The following UBE3B variants were observed in gnomAD, a reference collection of about 807,000 sequenced individuals.
The protein encoded by UBE3B is ubiquitin-protein ligase E3B.
UBE3B carries 80 observed loss-of-function variants against 132.3 expected under a neutral mutation model. That is an observed-to-expected ratio of 0.60 (90% CI 0.50 to 0.73). The LOEUF (loss-of-function observed/expected upper bound fraction) is 0.73, where lower values mean the gene tolerates loss of function less well. Among genes scored for constraint, UBE3B ranks in the 30% least tolerant of loss-of-function variants. The probability of loss-of-function intolerance (pLI) is 0.00; values close to 1 mark genes in which losing one functional copy is unlikely to be tolerated. For missense variants in UBE3B, 1,196 were observed against 1,362.5 expected, an observed-to-expected ratio of 0.88 and a Z score of 1.92; for synonymous variants, 487 against 520.4, an observed-to-expected ratio of 0.94 and a Z score of 0.87.
intron 27 of UBE3B, chr12:109,533,939 C>T: frequency 7.6e-7 from 1 of 1,314,530 alleles, no homozygotes; most frequent in South Asian, 1.2e-5. Flanking sequence ...GCTACTCCTA[C>T]CCCAGCAGGC....
chr12:109,512,085 G>A (rs1659923584), intron 18 of UBE3B, among the ~76,000 whole-genome samples: 1 of 152,164 alleles, frequency 6.6e-6, no homozygotes, highest in Admixed American at 6.5e-5. Context: ...GAGCAGGTAG[G>A]ATGTGAGATG....
At chr12:109,514,834 C>T (rs1880806486) in intron 18 of UBE3B, among the ~76,000 whole-genome samples, 1 of 152,054 alleles carries the variant, frequency 6.6e-6, no homozygotes, top group Admixed American at 6.6e-5. Flanking sequence ...AGTCCTGTCA[C>T]GTCTAGATCT....
intron 8 of UBE3B, 183 bp from the exon 9 acceptor site, chr12:109,490,862 G>T (rs781363141): frequency 7.2e-6 from 8 of 1,115,490 alleles, no homozygotes; most frequent in South Asian, 1.9e-5. Flanking sequence ...CTGTCACCCA[G>T]GCTGGCCTCA....
intron 16 of UBE3B, 113 bp from the exon 17 acceptor site, chr12:109,510,231 T>TCAGAGCGAGGGAGATC: frequency 1.2e-6 from 1 of 835,976 alleles, no homozygotes; most frequent in South Asian, 1.7e-5. Flanking sequence ...CACATATAAT[T>TCAGAGCGAGGGAGATC]CAGAGCGAGG....
chr12:109,483,938 C>T lies in UBE3B; in HGVS notation c.239C>T (p.Ala80Val). 6.2e-7 allele frequency: 1 copy of T among 1,613,962 alleles called. No individual in the cohort carries two copies. Among genetic ancestry groups the T allele is most frequent in the Non-Finnish European group, 8.5e-7 (1 of 1,179,940 alleles). The change falls in exon 4 of 28, where the codon GCC becomes GTC. Residue 80 changes from alanine (A) to valine (V), a missense_variant. Transcript: ENST00000342494. ...AGTGCACTTTGTATTTTCAAGATTGCCAGGAAACTGCTGTTCCTATTCAGA... is the reference window on the plus strand; with the variant it reads ...AGTGCACTTTGTATTTTCAAGATTGTCAGGAAACTGCTGTTCCTATTCAGA... ...KRSALCIFKI[A>V]RKLLFLFRIK...
the UBE3B span, among the ~76,000 whole-genome samples, chr12:109,543,455 T>G: frequency 1.3e-5 from 2 of 151,708 alleles, no homozygotes; most frequent in Non-Finnish European, 2.9e-5. Flanking sequence ...GTGTCTAGAG[T>G]GAAGGAGGTA....
At chr12:109,501,871 C>A (rs1353288825) in intron 13 of UBE3B, among the ~76,000 whole-genome samples, 1 of 151,624 alleles carries the variant, frequency 6.6e-6, no homozygotes, top group Non-Finnish European at 1.5e-5. Flanking sequence ...ACCTTATTGC[C>A]CAGGTTTGTT....
chr12:109,515,227 T>A (rs1250902046), intron 18 of UBE3B, among the ~76,000 whole-genome samples: 2 of 152,106 alleles, frequency 1.3e-5, no homozygotes, highest in African/African-American at 4.8e-5. Context: ...CCCTTTCTTC[T>A]TAAGGGGCTG....
intron 9 of UBE3B, among the ~76,000 whole-genome samples, chr12:109,497,214 CA>C (rs1282884362): frequency 1.1e-4 from 16 of 152,000 alleles, no homozygotes; most frequent in Admixed American, 7.2e-4. Context: ...ACCAGAGATA[CA>C]TTGTTAACTT....
downstream of UBE3B, among the ~76,000 whole-genome samples, chr12:109,540,460 C>T (rs2136174318): frequency 6.6e-6 from 1 of 152,344 alleles, no homozygotes; most frequent in African/African-American, 2.4e-5. Context: ...ATCCACCTGC[C>T]TTGGTCTCCC....
At chr12:109,502,896 A>G in intron 13 of UBE3B, 127 bp from the exon 14 acceptor site, 2 of 1,118,204 alleles carry the variant, frequency 1.8e-6, no homozygotes, top group East Asian at 4.7e-5. Flanking sequence ...CCTTGAATTG[A>G]GTGAGTTGCC....
At chr12:109,488,826 A>G (rs1566076941) in intron 7 of UBE3B, among the ~76,000 whole-genome samples, 158 bp downstream of exon 7, 2 of 152,360 alleles carry the variant, frequency 1.3e-5, no homozygotes, top group East Asian at 1.9e-4. Flanking sequence ...ATCAGACTGC[A>G]TCGCAGTATC....
Position 109,497,769 on chromosome 12 carries a change from T to C in UBE3B, c.714-49T>C, listed in dbSNP as rs748358729. 20 of 1,582,848 alleles carry C rather than the reference T, an allele frequency of 1.3e-5. 1 individual carries two copies. Among genetic ancestry groups the C allele is most frequent in the South Asian group, 6.7e-5 (6 of 90,192 alleles). ...CGTTGGTGGGGTTGTGCTTTTGTTCTGGATGCACACGGAGACCTGTCTGAA... is the reference window on the plus strand; with the variant it reads ...CGTTGGTGGGGTTGTGCTTTTGTTCCGGATGCACACGGAGACCTGTCTGAA... On this transcript the variant is annotated intron_variant, in intron 9 of 27. Transcript: ENST00000342494.
chr12:109,483,802 C>T, intron 3 of UBE3B, 59 bp from the exon 4 acceptor site: 2 of 1,590,908 alleles, frequency 1.3e-6, no homozygotes, highest in South Asian at 2.3e-5. Flanking sequence ...GCTTGAAAAG[C>T]CTTCCAGGTG....
chr12:109,520,124 GC>G (rs1420596445), intron 19 of UBE3B: 2 of 152,250 alleles, frequency 1.3e-5, no homozygotes, highest in African/African-American at 4.8e-5. Context: ...TCATAGGACA[GC>G]AGGGTTGATT....
Position 109,498,304 on chromosome 12 carries a change from C to T in UBE3B, c.891C>T (p.Cys297=). 6.2e-7 allele frequency: 1 copy of T among 1,613,996 alleles called. No individual in the cohort carries two copies. Among genetic ancestry groups the T allele is most frequent in the Non-Finnish European group, 8.5e-7 (1 of 1,179,948 alleles). Residue 297 remains cysteine (C), a synonymous_variant, in exon 11 of 28, where the codon TGC becomes TGT. Transcript: ENST00000342494. ...TATTTTTAAGAGACCAAGATCGATG[C>T]CGTGATGTATGTGAAAGTTTAGAAG... The part of the protein sequence containing the change: ...FIIFLRDQDR[C]RDVCESLEGC...
chr12:109,523,639 A>T (rs1881966115), intron 21 of UBE3B, among the ~76,000 whole-genome samples: 1 of 152,068 alleles, frequency 6.6e-6, no homozygotes, highest in Admixed American at 6.5e-5. Context: ...GGGTGCTGGT[A>T]CTGTGCACGT....
chr12:109,527,759 CCCCTG>C (rs1882510189), intron 24 of UBE3B, among the ~76,000 whole-genome samples: 13 of 152,208 alleles, frequency 8.5e-5, no homozygotes, highest in Non-Finnish European at 2.9e-5. Flanking sequence ...GTGAGTCCTG[CCCCTG>C]CCTGCCATGT....
Position 109,481,629 on chromosome 12 carries a change from T to C in UBE3B, c.-127-8T>C, listed in dbSNP as rs1160232299. On this transcript the variant is annotated splice_region_variant and splice_polypyrimidine_tract_variant and intron_variant, in intron 1 of 27. Transcript: ENST00000342494. ...TAAGTCTGGATTTTTTTCTTCTGCT[T>C]CTGCCAGAAAAAATAACAAGCTTTT... 1 of 152,206 alleles carries C rather than the reference T, an allele frequency of 6.6e-6. No homozygotes were observed. The highest frequency in any genetic ancestry group is 1.5e-5 in the Non-Finnish European group (1 of 68,042). 9.4% of individuals were successfully genotyped at this position (152,206 alleles called of 1,614,324 possible).
Sources: allele counts gnomAD v4.1 joint callset (sites outside exome capture counted in the v4.1 genomes callset), GRCh38; gene constraint gnomAD v4.1.1; transcripts MANE v1.5; gene names NCBI Gene and HGNC (gene_info 2026-07-23, HGNC 2026-07-21).